Variants in SLC25A26 observed in about 807,000 individuals in gnomAD.
SLC25A26 encodes the protein solute carrier family 25 member 26, also known as mitochondrial S-adenosylmethionine carrier protein.
Under a neutral mutation model 37.8 loss-of-function variants are expected in SLC25A26, and 36 were observed. The ratio of observed to expected loss-of-function variants is 0.95; its 90% CI spans 0.73 to 1.26. The LOEUF (loss-of-function observed/expected upper bound fraction) is 1.26, where lower values mean the gene tolerates loss of function less well. Among genes scored for constraint, SLC25A26 ranks in the 50% most tolerant of loss-of-function variants. The probability of loss-of-function intolerance (pLI) is 0.00; values close to 1 mark genes in which losing one functional copy is unlikely to be tolerated. For synonymous variants in SLC25A26, 129 were observed against 122.5 expected, an observed-to-expected ratio of 1.05 and a Z score of -0.35; for missense variants, 390 against 331.1, an observed-to-expected ratio of 1.18 and a Z score of -1.38.
chr3:66,290,704 G>C (rs555688851), intron 5 of SLC25A26, among the ~76,000 whole-genome samples: 1 of 152,274 alleles, frequency 6.6e-6, no homozygotes, highest in East Asian at 1.9e-4. Flanking sequence ...TGTGCTGCTG[G>C]ATTCGGTTTG....
intron 3 of SLC25A26, among the ~76,000 whole-genome samples, chr3:66,249,591 A>G (rs185413892): frequency 2.4e-4 from 36 of 152,350 alleles, no homozygotes; most frequent in African/African-American, 8.7e-4. Flanking sequence ...TGAGCAAGAT[A>G]ATAGAAGAAA....
intron 5 of SLC25A26, among the ~76,000 whole-genome samples, chr3:66,269,859 G>C (rs1044862269): frequency 1.3e-5 from 2 of 151,980 alleles, no homozygotes; most frequent in African/African-American, 2.4e-5. Flanking sequence ...CTTATAGTTG[G>C]GTTGTTCCTT....
At position 66,377,754 on chromosome 3, in the gene SLC25A26, G is replaced by C; in HGVS notation, c.772G>C (p.Ala258Pro). Residue 258 changes from alanine (A) to proline (P), a missense_variant, in exon 10 of 10, where the codon GCT becomes CCT. Ala to Pro is a conservative substitution (Grantham distance 27, BLOSUM62 -1). Coordinates refer to ENST00000354883, the MANE Select transcript of SLC25A26 (RefSeq NM_001379210.1). ...TCTGGGAGGTTTCATCTTTCTGGGG[G>C]CTTATGACCGAACGCACAGCTTGCT... ...ISLGGFIFLG[A>P]YDRTHSLLLE... The C allele has an allele frequency of 6.2e-7, 1 of 1,613,862 alleles. No individual in the cohort carries two copies. Among genetic ancestry groups the C allele is most frequent in the Non-Finnish European group, 8.5e-7 (1 of 1,179,864 alleles).
chr3:66,152,255 C>T (rs1188187790), intron 1 of SLC25A26, among the ~76,000 whole-genome samples: 1 of 152,148 alleles, frequency 6.6e-6, no homozygotes, highest in African/African-American at 2.4e-5. Context: ...AGGCTGCTGG[C>T]CCAAGGGCTA....
At chr3:66,273,610 TAGAC>T (rs769533287) in intron 5 of SLC25A26, among the ~76,000 whole-genome samples, 163 of 151,974 alleles carry the variant, frequency 1.1e-3, no homozygotes, top group Admixed American at 8.5e-4. Context: ...ACACCAATAA[TAGAC>T]AGAGAGCCAA....
At chr3:66,216,211 C>T (rs1008492032), upstream of SLC25A26, among the ~76,000 whole-genome samples, 11 of 152,142 alleles carry the variant, frequency 7.2e-5, no homozygotes, top group Admixed American at 1.3e-4. Flanking sequence ...CAAATACTAT[C>T]GTATTTTTCA....
At chr3:66,331,515 T>C (rs2075973758) in intron 5 of SLC25A26, among the ~76,000 whole-genome samples, 1 of 152,244 alleles carries the variant, frequency 6.6e-6, no homozygotes, top group Non-Finnish European at 1.5e-5. Context: ...GTGTGTTTTT[T>C]AAACAGAATA....
intron 5 of SLC25A26, among the ~76,000 whole-genome samples, chr3:66,306,587 C>T (rs9681093): frequency 0.011 from 1,693 of 152,070 alleles, 38 homozygotes; most frequent in African/African-American, 0.039. Context: ...TTTGCTGCAC[C>T]CATCAACCTG....
intron 7 of SLC25A26, among the ~76,000 whole-genome samples, chr3:66,364,813 C>T (rs185242759): frequency 1.1e-3 from 175 of 152,234 alleles, no homozygotes; most frequent in Middle Eastern, 6.8e-3. Context: ...TCTAATAGCT[C>T]GTAAATTTTA....
intron 5 of SLC25A26, among the ~76,000 whole-genome samples, chr3:66,274,398 A>AT (rs1232862377): frequency 2.0e-5 from 3 of 151,708 alleles, no homozygotes; most frequent in Admixed American, 1.3e-4. Flanking sequence ...AAATTGACAA[A>AT]TGGGATCTAA....
chr3:66,212,635 T>C (rs2071299372), intron 1 of SLC25A26, among the ~76,000 whole-genome samples: 1 of 152,170 alleles, frequency 6.6e-6, no homozygotes, highest in Non-Finnish European at 1.5e-5. Context: ...ATCCATTGAA[T>C]TCTCCATTTC....
At chr3:66,304,728 C>A (rs1170535021) in intron 5 of SLC25A26, among the ~76,000 whole-genome samples, 1 of 152,194 alleles carries the variant, frequency 6.6e-6, no homozygotes, top group Non-Finnish European at 1.5e-5. Context: ...GACTGATTAA[C>A]CACCATGTGG....
At chr3:66,138,043 A>G (rs2069973827) in intron 1 of SLC25A26, among the ~76,000 whole-genome samples, 1 of 151,978 alleles carries the variant, frequency 6.6e-6, no homozygotes, top group South Asian at 2.1e-4. Flanking sequence ...TATGTTGGCC[A>G]GGTTGGTCTC....
chr3:66,271,540 C>G (rs1188819349), intron 5 of SLC25A26, among the ~76,000 whole-genome samples: 2 of 152,092 alleles, frequency 1.3e-5, no homozygotes, highest in Non-Finnish European at 2.9e-5. Flanking sequence ...CAAAAACTTT[C>G]CTGGGACAGA....
chr3:66,289,136 T>C (rs1219386432), intron 5 of SLC25A26, among the ~76,000 whole-genome samples: 5 of 152,228 alleles, frequency 3.3e-5, no homozygotes, highest in Admixed American at 6.5e-5. Flanking sequence ...TTTTGAGAAG[T>C]GTCTGTTCAT....
At chr3:66,357,709 A>G (rs995517956) in intron 6 of SLC25A26, among the ~76,000 whole-genome samples, 1 of 151,736 alleles carries the variant, frequency 6.6e-6, no homozygotes, top group African/African-American at 2.4e-5. Context: ...TTTTCGGCAG[A>G]TTCTTAAAAA....
chr3:66,318,325 G>A (rs1363980491), intron 5 of SLC25A26, among the ~76,000 whole-genome samples: 1 of 152,206 alleles, frequency 6.6e-6, no homozygotes, highest in Non-Finnish European at 1.5e-5. Flanking sequence ...AGGGGGACCT[G>A]CTGATCTGTG....
chr3:66,184,426 C>A (rs922559922), intron 1 of SLC25A26, among the ~76,000 whole-genome samples: 8 of 152,044 alleles, frequency 5.3e-5, no homozygotes, highest in African/African-American at 1.9e-4. Context: ...CTGAACCTGA[C>A]CCAAATTCTG....
upstream of SLC25A26, among the ~76,000 whole-genome samples, chr3:66,216,417 C>T (rs1465145552): frequency 6.6e-6 from 1 of 152,058 alleles, no homozygotes; most frequent in African/African-American, 2.4e-5. Context: ...GGAGCTGAGG[C>T]AGGAAGATTG....
Sources: gnomAD v4.1 joint callset for allele counts (sites outside exome capture counted in the v4.1 genomes callset) on GRCh38, gnomAD v4.1.1 for gene constraint, MANE v1.5 for transcripts, NCBI Gene and HGNC (gene_info 2026-07-23, HGNC 2026-07-21) for gene names.